The following PTGIS variants were observed in gnomAD, a reference collection of about 807,000 sequenced individuals.
The protein encoded by PTGIS is prostaglandin I2 synthase, also known as prostacyclin synthase.
Under a neutral mutation model 50.3 loss-of-function variants are expected in PTGIS, and 45 were observed. The ratio of observed to expected loss-of-function variants is 0.90; its 90% confidence interval spans 0.70 to 1.15. The LOEUF (loss-of-function observed/expected upper bound fraction) is 1.15. PTGIS is among the 50% of genes most tolerant of loss of function. The probability of loss-of-function intolerance (pLI) is 0.00; values close to 1 mark genes in which losing one functional copy is unlikely to be tolerated. For missense variants in PTGIS, 668 were observed against 661.3 expected (o/e 1.01, Z -0.11); for synonymous variants, 260 against 267.7 (o/e 0.97, Z 0.28).
rs1429757077 is a variant in PTGIS at position 49,534,198 on chromosome 20, AAT to A, written c.673+5370_673+5371del. 6.6e-5 allele frequency among the ~76,000 whole-genome samples: 10 copies of A among 152,306 alleles called. No homozygotes were observed. In the East Asian group the frequency reaches 1.9e-3, roughly 29 times the overall value. ...TGCAATTATAAGCAATGTGACAATG[AAT>A]ATGTTTGTGTATCTGTAGACATGTG... On this transcript the variant is annotated intron_variant, in intron 5 of 9. Transcript: ENST00000244043.
intron 1 of PTGIS, among the ~76,000 whole-genome samples, chr20:49,558,072 A>G (rs556862733): frequency 6.6e-6 from 1 of 152,326 alleles, no homozygotes; most frequent in African/African-American, 2.4e-5. Context: ...CAGGATGGCC[A>G]TAATAAAAAC....
At chr20:49,530,762 G>A (rs1601188942) in intron 5 of PTGIS, among the ~76,000 whole-genome samples, 3 of 152,024 alleles carry the variant, frequency 2.0e-5, no homozygotes, top group Admixed American at 2.0e-4. Context: ...CAGGTTATTT[G>A]GATTTTTGTG....
chr20:49,539,659 T>C lies in PTGIS; in HGVS notation c.584A>G (p.Gln195Arg), dbSNP rs1461685525. The C allele has an allele frequency of 1.9e-6, 3 of 1,613,910 alleles. No individual in the cohort carries two copies. Among genetic ancestry groups the C allele is most frequent in the Middle Eastern group, 1.6e-4 (1 of 6,062 alleles). Residue 195 changes from glutamine (Q) to arginine (R), a missense_variant, in exon 5 of 10, where the codon CAG becomes CGG. Physicochemically the swap from Gln to Arg is conservative, Grantham distance 43. Coordinates refer to ENST00000244043, the MANE Select transcript of PTGIS (RefSeq NM_000961.4). ...GACATCAGCTGAGTGGACGCGGTCC[T>C]GGGCCTGGCTTTCATGGGTGCGTGG... ...ALPRTHESQA[Q>R]DRVHSADVFH...
chr20:49,516,058 T>C (rs1406816308), intron 6 of PTGIS, among the ~76,000 whole-genome samples: 1 of 141,434 alleles, frequency 7.1e-6, no homozygotes, highest in African/African-American at 2.6e-5. Context: ...TTTTTTTTTT[T>C]TGGTAGAGAT....
intron 6 of PTGIS, among the ~76,000 whole-genome samples, chr20:49,517,763 G>T (rs894969935): frequency 6.6e-6 from 1 of 152,178 alleles, no homozygotes; most frequent in African/African-American, 2.4e-5. Flanking sequence ...CAGTGGAAGT[G>T]GGGGACTTCC....
intron 4 of PTGIS, among the ~76,000 whole-genome samples, chr20:49,543,919 C>A (rs539550546): frequency 6.1e-4 from 93 of 152,312 alleles, no homozygotes; most frequent in Non-Finnish European, 1.1e-3. Flanking sequence ...TTCGGTTGTG[C>A]AGTTTTTAAC....
At chr20:49,532,944 C>G (rs533063075) in intron 5 of PTGIS, among the ~76,000 whole-genome samples, 1 of 152,174 alleles carries the variant, frequency 6.6e-6, no homozygotes, top group Admixed American at 6.5e-5. Context: ...TCCATTATTA[C>G]GAGGTATTTC....
At chr20:49,547,744 G>A (rs981301786) in intron 3 of PTGIS, 97 bp downstream of exon 3, 79 of 1,380,068 alleles carry the variant, frequency 5.7e-5, no homozygotes, top group African/African-American at 2.1e-4. Context: ...TGTCTTTACC[G>A]AACATTTGCT....
chr20:49,549,182 G>A (rs1982442718), intron 2 of PTGIS, among the ~76,000 whole-genome samples: 1 of 152,174 alleles, frequency 6.6e-6, no homozygotes, highest in African/African-American at 2.4e-5. Flanking sequence ...TTATCCCTCA[G>A]TATCCATGGA....
chr20:49,554,930 T>A (rs1022438876), intron 1 of PTGIS, among the ~76,000 whole-genome samples: 1 of 152,180 alleles, frequency 6.6e-6, no homozygotes, highest in Non-Finnish European at 1.5e-5. Context: ...CATGCTGTAT[T>A]TATTAGAGCT....
intron 1 of PTGIS, among the ~76,000 whole-genome samples, chr20:49,563,552 G>A (rs969201718): frequency 6.6e-5 from 10 of 152,202 alleles, no homozygotes; most frequent in Admixed American, 2.6e-4. Flanking sequence ...TGAGTCCCAG[G>A]AAAGTATTGC....
At chr20:49,549,933 G>T in intron 2 of PTGIS, 133 bp downstream of exon 2, 1 of 1,442,094 alleles carries the variant, frequency 6.9e-7, no homozygotes, top group Non-Finnish European at 9.7e-7. Flanking sequence ...AAGTTGGCTC[G>T]ACCACTCAGA....
rs371460814 is a variant in PTGIS at position 49,534,768 on chromosome 20, G to A, written c.673+4802C>T. Among the ~76,000 whole-genome samples the A allele has an allele frequency of 6.6e-4, 101 of 152,266 alleles. 2 individuals are homozygous for A. The highest frequency in any genetic ancestry group is 2.4e-3 in the African/African-American group (98 of 41,542). ...GGCAAGATTTGATAAGCTCAAATGA[G>A]TTCCTCTAAAAAGATAATAAAGGAC... On this transcript the variant is annotated intron_variant, in intron 5 of 9. Coordinates refer to ENST00000244043, the MANE Select transcript of PTGIS (RefSeq NM_000961.4).
Position 49,539,701 on chromosome 20 carries a change from TAA to T in PTGIS, c.540_541del (p.Tyr181ArgfsTer3), listed in dbSNP as rs758057748. The T allele has an allele frequency of 6.8e-6, 11 of 1,612,932 alleles. No individual in the cohort carries two copies. The highest frequency in any genetic ancestry group is 1.7e-5 in the Admixed American group (1 of 59,938). On this transcript the variant is annotated frameshift_variant, in exon 5 of 10. Transcript: ENST00000244043. LOFTEE classifies it high-confidence loss of function. ...GGTGCGTGGCAGCGCCTCAATTCCG[TAA>T]AGAGTCAGGTAGCCGGCTCTGGGGG...
intron 3 of PTGIS, among the ~76,000 whole-genome samples, chr20:49,545,405 G>A (rs1041983239): frequency 5.3e-5 from 8 of 151,448 alleles, no homozygotes; most frequent in African/African-American, 1.9e-4. Flanking sequence ...AGGCAACAGA[G>A]TGAGACTCTG....
At chr20:49,514,116 C>A in intron 7 of PTGIS, 111 bp downstream of exon 7, 1 of 1,327,546 alleles carries the variant, frequency 7.5e-7, no homozygotes, top group South Asian at 1.2e-5. Context: ...GACCCTAGGT[C>A]GGAGGACACA....
chr20:49,556,611 G>A (rs184989418), intron 1 of PTGIS, among the ~76,000 whole-genome samples: 97 of 152,240 alleles, frequency 6.4e-4, no homozygotes, highest in Non-Finnish European at 1.2e-3. Flanking sequence ...TGCATTTTAT[G>A]AAAATAATCA....
In PTGIS at chr20:49,507,696, A is replaced by C; in HGVS notation, c.*224T>G. The stretch of plus-strand genomic sequence containing the variant: ...GGAGCAGACAAAGCCTGATTTTGGA[A>C]AGAAAACTTTGCAGTGGATAATCCA... On this transcript the variant is annotated 3_prime_UTR_variant, in exon 10 of 10. Coordinates refer to ENST00000244043, the MANE Select transcript of PTGIS (RefSeq NM_000961.4). The C allele has an allele frequency of 1.6e-6, 1 of 629,218 alleles. No homozygotes were observed. Among genetic ancestry groups the C allele is most frequent in the Non-Finnish European group, 2.7e-6 (1 of 364,792 alleles). 39.0% of individuals were successfully genotyped at this position (629,218 alleles called of 1,614,324 possible).
rs777691866 is a variant in PTGIS, at chr20:49,513,271, G to A, written c.1025-10C>T. The A allele has an allele frequency of 2.5e-6, 4 of 1,612,448 alleles. No homozygotes were observed. Among genetic ancestry groups the A allele is most frequent in the East Asian group, 2.2e-5 (1 of 44,874 alleles). Reference sequence around the variant, plus strand: ...TCACTCAGCACGCTATCTGCATGGGGCAGGTGCAAGGAAGAGTCAGCGGGC... The same window carrying A: ...TCACTCAGCACGCTATCTGCATGGGACAGGTGCAAGGAAGAGTCAGCGGGC... On this transcript the variant is annotated splice_polypyrimidine_tract_variant and intron_variant, in intron 7 of 9. Coordinates refer to ENST00000244043, the MANE Select transcript of PTGIS (RefSeq NM_000961.4).
Sources: gnomAD v4.1 joint callset for allele counts (sites outside exome capture counted in the v4.1 genomes callset) on GRCh38, gnomAD v4.1.1 for gene constraint, MANE v1.5 for transcripts, NCBI Gene and HGNC (gene_info 2026-07-23, HGNC 2026-07-21) for gene names.